MARCHF6: variants seen among roughly 807,000 people sequenced by gnomAD.
MARCHF6 encodes membrane associated ring-CH-type finger 6.
MARCHF6 carries 31 observed loss-of-function variants against 133.7 expected under a neutral mutation model. That is an observed-to-expected ratio of 0.23 (90% CI 0.17 to 0.31). The LOEUF is 0.31. Among genes scored for constraint, MARCHF6 ranks in the 10% least tolerant of loss-of-function variants. MARCHF6 has a pLI of 1.00. For synonymous variants in MARCHF6, 395 were observed against 402.5 expected (o/e 0.98, Z 0.22); for missense variants, 723 against 1,121.6 (o/e 0.64, Z 5.08).
chr5:10,413,445 C>T (rs1739341369), intron 19 of MARCHF6: 1 of 152,152 alleles, frequency 6.6e-6, no homozygotes, highest in Non-Finnish European at 1.5e-5. Flanking sequence ...TGTGGAGATC[C>T]ACCTGGTAAG....
chr5:10,358,826 A>G (rs1316533571), intron 1 of MARCHF6, among the ~76,000 whole-genome samples: 1 of 152,276 alleles, frequency 6.6e-6, no homozygotes, highest in East Asian at 1.9e-4. Context: ...CATAAAATAT[A>G]TACAAATCTG....
intron 1 of MARCHF6, among the ~76,000 whole-genome samples, chr5:10,356,451 A>G (rs1182645928): frequency 6.7e-6 from 1 of 149,046 alleles, no homozygotes; most frequent in African/African-American, 2.5e-5. Context: ...GCTGAAGTGC[A>G]GTGGCATGAT....
rs1476237722 is a variant in MARCHF6 at position 10,440,055 on chromosome 5, T to G, written c.*6371T>G. 1.3e-5 allele frequency: 2 copies of G among 152,248 alleles called. No homozygotes were observed. Among genetic ancestry groups the G allele is most frequent in the African/African-American group, 4.8e-5 (2 of 41,464 alleles). 9.4% of individuals were successfully genotyped at this position (152,248 alleles called of 1,614,324 possible). A position where few individuals can be genotyped will look rare whatever the true frequency, so the allele number is the denominator to read the frequency against. On this transcript the variant is annotated 3_prime_UTR_variant, in exon 26 of 26. Transcript: ENST00000274140. ...GTATTTTGTACTCCCGGCTCTCTTT[T>G]GTACTTTTAAACATACTATATGGTT... is the stretch of plus-strand genomic sequence containing the variant.
chr5:10,433,569 T>C, intron 25 of MARCHF6, 25 bp from the exon 26 acceptor site: 1 of 1,549,924 alleles, frequency 6.5e-7, no homozygotes, highest in South Asian at 1.1e-5. Context: ...TAGAAGAGAG[T>C]AACCACCTTG....
chr5:10,362,680 C>T (rs2578647), intron 1 of MARCHF6, among the ~76,000 whole-genome samples: 126,512 of 152,190 alleles, frequency 0.83, 53,798 homozygotes, highest in Non-Finnish European at 0.9. Flanking sequence ...TATATAAAAA[C>T]TCGGCATCAC....
At chr5:10,401,124 A>G in intron 11 of MARCHF6, 1 of 351,536 alleles carries the variant, frequency 2.8e-6, no homozygotes, top group Non-Finnish European at 5.2e-6. Context: ...GTCCATCTCA[A>G]GAACCTGTAT....
intron 17 of MARCHF6, among the ~76,000 whole-genome samples, chr5:10,407,848 C>T (rs969857069): frequency 2.0e-5 from 3 of 151,726 alleles, no homozygotes; most frequent in South Asian, 2.1e-4. Context: ...CCCAACTACT[C>T]GGGAGGCTGA....
rs994137829 is a variant in MARCHF6, at chr5:10,435,387, A to AG, written c.*1703_*1704insG. On this transcript the variant is annotated 3_prime_UTR_variant, in exon 26 of 26. Coordinates refer to ENST00000274140, the MANE Select transcript of MARCHF6 (RefSeq NM_005885.4). ...CAACCTAGGCAAAATTGGAAAAAAA[A>AG]AAAAAAATCAGTATCAGAAATAATG... 6.6e-6 allele frequency: 1 copy of AG among 151,586 alleles called. No individual in the cohort carries two copies. Among genetic ancestry groups the AG allele is most frequent in the African/African-American group, 2.4e-5 (1 of 41,164 alleles). 9.4% of individuals were successfully genotyped at this position (151,586 alleles called of 1,614,324 possible).
At chr5:10,401,929 T>G in intron 11 of MARCHF6, 130 bp from the exon 12 acceptor site, 2 of 629,216 alleles carry the variant, frequency 3.2e-6, no homozygotes, top group Admixed American at 2.8e-5. Flanking sequence ...AAGCAGATTT[T>G]ACAGTTGTTT....
At position 10,440,094 on chromosome 5, in the gene MARCHF6, T is replaced by G. The variant is rs1462239528; in HGVS notation, c.*6410T>G. 6.6e-6 allele frequency: 1 copy of G among 152,258 alleles called. No homozygotes were observed. The highest frequency in any genetic ancestry group is 1.5e-5 in the Non-Finnish European group (1 of 68,054). 9.4% of individuals were successfully genotyped at this position (152,258 alleles called of 1,614,324 possible). The stretch of plus-strand genomic sequence containing the variant: ...TACTATATGGTTTACCTTTGTTGTT[T>G]ATATTTGCATGTTGTTTCCCACTTG... On this transcript the variant is annotated 3_prime_UTR_variant, in exon 26 of 26. Transcript: ENST00000274140.
In MARCHF6 at chr5:10,430,010, A is replaced by G; in HGVS notation, c.2624A>G (p.Glu875Gly). 1.2e-6 allele frequency: 2 copies of G among 1,611,354 alleles called. No homozygotes were observed. The highest frequency in any genetic ancestry group is 1.7e-6 in the Non-Finnish European group (2 of 1,177,730). ...FQVRQFKRLY[E>G]HIKNDKYLVG... ...GTCCGCCAGTTTAAGCGCCTTTATG[A>G]ACATATTAAAAATGACAAGTAAGTC... The change falls in exon 25 of 26, where the codon GAA (glutamate) becomes GGA (glycine). Residue 875 changes from glutamate (E) to glycine (G), a missense_variant. Glu to Gly is a moderately conservative substitution (Grantham distance 98, BLOSUM62 -2). This residue lies in a region of MARCHF6 where 492 missense variants were observed against 699.5 expected (regional missense o/e 0.70). Transcript: ENST00000274140.
chr5:10,392,442 C>G (rs1447429798), intron 7 of MARCHF6, among the ~76,000 whole-genome samples: 1 of 152,192 alleles, frequency 6.6e-6, no homozygotes. Flanking sequence ...ATACTGCAGA[C>G]AAGATGCCAT....
At chr5:10,385,523 C>T (rs1034251223) in intron 4 of MARCHF6, among the ~76,000 whole-genome samples, 10 of 152,226 alleles carry the variant, frequency 6.6e-5, no homozygotes, top group South Asian at 4.1e-4. Context: ...GAGAGAGCTT[C>T]ATAGATGTGT....
intron 15 of MARCHF6, 132 bp from the exon 16 acceptor site, chr5:10,405,426 A>G (rs1738827081): frequency 6.2e-6 from 4 of 649,940 alleles, no homozygotes; most frequent in South Asian, 5.1e-5. Flanking sequence ...TAAGAATACC[A>G]TGTACATTTT....
intron 21 of MARCHF6, 87 bp from the exon 22 acceptor site, chr5:10,417,183 T>A (rs2126800326): frequency 1.4e-6 from 2 of 1,467,992 alleles, no homozygotes; most frequent in South Asian, 2.6e-5. Context: ...GTTGCTCTGT[T>A]AGGCATCAGT....
At chr5:10,389,064 AG>A (rs1341534760) in intron 5 of MARCHF6, among the ~76,000 whole-genome samples, 1 of 152,096 alleles carries the variant, frequency 6.6e-6, no homozygotes, top group Non-Finnish European at 1.5e-5. Flanking sequence ...TTAAGTTTGG[AG>A]CTGCTGGGTC....
In MARCHF6 at chr5:10,435,675, A is replaced by AAC. The variant is rs1561159565; in HGVS notation, c.*1991_*1992insAC. 5.0e-4 allele frequency: 3 copies of AAC among 5,946 alleles called. No individual in the cohort carries two copies. The East Asian group carries it at 0.021, about 42-fold the overall frequency. The allele number at this position is 5,946 out of a possible 1,614,324, so 0.4% of individuals were successfully genotyped here. A position where few individuals can be genotyped will look rare whatever the true frequency, so the allele number is the denominator to read the frequency against. ...TATATATATATATATATATATATAT[A>AAC]TATATATATATATATATATATATTT... On this transcript the variant is annotated 3_prime_UTR_variant, in exon 26 of 26. Coordinates refer to ENST00000274140, the MANE Select transcript of MARCHF6 (RefSeq NM_005885.4).
intron 14 of MARCHF6, among the ~76,000 whole-genome samples, 173 bp from the exon 15 acceptor site, chr5:10,403,234 G>C (rs1738655359): frequency 6.6e-6 from 1 of 152,146 alleles, no homozygotes; most frequent in Admixed American, 6.5e-5. Context: ...ATTTGAAGCA[G>C]TAGCCAATCT....
intron 17 of MARCHF6, among the ~76,000 whole-genome samples, chr5:10,409,938 A>G (rs1362495079): frequency 1.3e-5 from 2 of 152,162 alleles, no homozygotes; most frequent in African/African-American, 4.8e-5. Flanking sequence ...TCAGTTTAGC[A>G]AAATGAAAGT....
Sources: gnomAD v4.1 joint callset for allele counts (sites outside exome capture counted in the v4.1 genomes callset) on GRCh38, gnomAD v4.1.1 for gene constraint, gnomAD v4.1.1 regional missense constraint, MANE v1.5 for transcripts, NCBI Gene and HGNC (gene_info 2026-07-23, HGNC 2026-07-21) for gene names.